Variants in XYLT1 observed in about 807,000 individuals in gnomAD.
The protein encoded by XYLT1 is beta-D-xylosyltransferase 1.
Under a neutral mutation model 91.3 loss-of-function variants are expected in XYLT1, and 36 were observed. The ratio of observed to expected loss-of-function variants is 0.39; its 90% CI spans 0.30 to 0.52. The LOEUF (loss-of-function observed/expected upper bound fraction) is 0.52. XYLT1 is among the 20% of genes least tolerant of loss of function. The pLI is 0.68. For missense variants in XYLT1, 1,242 were observed against 1,284.5 expected, an observed-to-expected ratio of 0.97 and a Z score of 0.51; for synonymous variants, 588 against 532.0, an observed-to-expected ratio of 1.11 and a Z score of -1.45.
intron 1 of XYLT1, among the ~76,000 whole-genome samples, chr16:17,432,424 C>T (rs1026819742): frequency 1.3e-5 from 2 of 152,128 alleles, no homozygotes; most frequent in African/African-American, 4.8e-5. Context: ...AAAAACATCA[C>T]GTGATAGCCA....
chr16:17,219,195 T>C (rs2032914907), intron 3 of XYLT1, among the ~76,000 whole-genome samples: 1 of 146,054 alleles, frequency 6.8e-6, no homozygotes, highest in African/African-American at 2.5e-5. Context: ...GGCACAAGAA[T>C]TGCTTGAACC....
At chr16:17,399,229 T>C (rs2035932745) in intron 1 of XYLT1, among the ~76,000 whole-genome samples, 1 of 152,104 alleles carries the variant, frequency 6.6e-6, no homozygotes, top group African/African-American at 2.4e-5. Context: ...TCAAAGTCAC[T>C]GGGAAGCATG....
In XYLT1 at chr16:17,278,554, A is replaced by T. The variant is rs115464596; in HGVS notation, c.403-19056T>A. On this transcript the variant is annotated intron_variant, in intron 2 of 11. Transcript: ENST00000261381. ...CATTGCCATCATGCAACTTTCTGCT[A>T]ACTTTCCCAGCTTCAAGGGAAAAGT... is the stretch of plus-strand genomic sequence containing the variant. 9.7e-3 allele frequency among the ~76,000 whole-genome samples: 1,474 copies of T among 152,282 alleles called. 22 individuals carry two copies. Among genetic ancestry groups the T allele is most frequent in the African/African-American group, 0.033 (1,378 of 41,548 alleles).
Position 17,208,722 on chromosome 16 carries a change from A to G in XYLT1, c.914-8068T>C, listed in dbSNP as rs1239464295. Among the ~76,000 whole-genome samples the G allele has an allele frequency of 5.3e-5, 8 of 152,076 alleles. 1 individual carries two copies. The highest frequency in any genetic ancestry group is 5.2e-4 in the Admixed American group (8 of 15,268). On this transcript the variant is annotated intron_variant, in intron 3 of 11. Transcript: ENST00000261381. ...GCTCTACATGGATAACATATAATTTACTATTTTAGCCTTTTTTGGTTCGAG... is the reference window on the plus strand; with the variant it reads ...GCTCTACATGGATAACATATAATTTGCTATTTTAGCCTTTTTTGGTTCGAG...
chr16:17,425,898 G>A (rs114380402), intron 1 of XYLT1, among the ~76,000 whole-genome samples: 2 of 151,894 alleles, frequency 1.3e-5, no homozygotes, highest in Admixed American at 1.3e-4. Context: ...TTAATGTCCC[G>A]CCACCCTGTG....
At chr16:17,330,454 G>T (rs939520538) in intron 2 of XYLT1, among the ~76,000 whole-genome samples, 1 of 151,882 alleles carries the variant, frequency 6.6e-6, no homozygotes, top group Non-Finnish European at 1.5e-5. Context: ...GTGACTCCAG[G>T]GTCCCATAAG....
In XYLT1 at chr16:17,378,075, C is replaced by T. The variant is rs118034626; in HGVS notation, c.364-20025G>A. Among the ~76,000 whole-genome samples, 889 of 152,210 alleles carry T rather than the reference C, an allele frequency of 5.8e-3. 5 individuals are homozygous for T. Among genetic ancestry groups the T allele is most frequent in the Non-Finnish European group, 8.7e-3 (593 of 68,010 alleles). ...ACCTGTCTACAGTACTCAAATGTCACGGGGGTTTCCTCCACTAGGCATGGG... is the reference window on the plus strand; with the variant it reads ...ACCTGTCTACAGTACTCAAATGTCATGGGGGTTTCCTCCACTAGGCATGGG... On this transcript the variant is annotated intron_variant, in intron 1 of 11. Coordinates refer to ENST00000261381, the MANE Select transcript of XYLT1 (RefSeq NM_022166.4).
chr16:17,297,305 G>C (rs7202004), intron 2 of XYLT1, among the ~76,000 whole-genome samples: 13 of 152,086 alleles, frequency 8.5e-5, no homozygotes, highest in African/African-American at 2.7e-4. Context: ...AGTGGCTCAC[G>C]CCTATAATCC....
At chr16:17,252,094 G>A (rs542635478) in intron 3 of XYLT1, among the ~76,000 whole-genome samples, 1 of 151,686 alleles carries the variant, frequency 6.6e-6, no homozygotes, top group East Asian at 1.9e-4. Flanking sequence ...CTCCTCCATT[G>A]CGACGATTAG....
chr16:17,429,287 CACAA>C (rs368037025), intron 1 of XYLT1, among the ~76,000 whole-genome samples: 507 of 152,266 alleles, frequency 3.3e-3, no homozygotes, highest in Non-Finnish European at 6.0e-3. Flanking sequence ...CTTTCCTTGC[CACAA>C]ACAGAGTAAG....
intron 1 of XYLT1, among the ~76,000 whole-genome samples, chr16:17,466,510 A>G (rs1169937462): frequency 6.6e-6 from 1 of 152,228 alleles, no homozygotes; most frequent in Non-Finnish European, 1.5e-5. Context: ...TTCCTCTTCT[A>G]TTAAAACCAT....
chr16:17,259,870 T>C (rs564712245), intron 2 of XYLT1, among the ~76,000 whole-genome samples: 1 of 152,284 alleles, frequency 6.6e-6, no homozygotes, highest in South Asian at 2.1e-4. Context: ...GCTGTGATGG[T>C]TTACTTAAGG....
chr16:17,147,259 A>G (rs1453550455), intron 6 of XYLT1, among the ~76,000 whole-genome samples: 2 of 152,236 alleles, frequency 1.3e-5, no homozygotes, highest in African/African-American at 4.8e-5. Flanking sequence ...TAATTATACA[A>G]AAATGTCCAG....
At chr16:17,240,352 G>C (rs2033326820) in intron 3 of XYLT1, among the ~76,000 whole-genome samples, 1 of 152,200 alleles carries the variant, frequency 6.6e-6, no homozygotes, top group Non-Finnish European at 1.5e-5. Flanking sequence ...TTGCAATGGG[G>C]AAAGTCCTTG....
chr16:17,360,349 T>C (rs1165647817), intron 1 of XYLT1, among the ~76,000 whole-genome samples: 2 of 152,196 alleles, frequency 1.3e-5, no homozygotes, highest in East Asian at 1.9e-4. Context: ...AGGAAATCTC[T>C]GTCAACTGTG....
intron 2 of XYLT1, among the ~76,000 whole-genome samples, chr16:17,278,063 G>A (rs915859278): frequency 6.6e-6 from 1 of 152,140 alleles, no homozygotes; most frequent in Non-Finnish European, 1.5e-5. Flanking sequence ...GCCTCCCTGC[G>A]AACATGAGGC....
At chr16:17,298,643 T>G (rs192636261) in intron 2 of XYLT1, among the ~76,000 whole-genome samples, 90 of 152,300 alleles carry the variant, frequency 5.9e-4, no homozygotes, top group Admixed American at 4.1e-3. Flanking sequence ...CTCTCTGGCC[T>G]CAGTCTTCAC....
chr16:17,419,107 C>T (rs924355369), intron 1 of XYLT1, among the ~76,000 whole-genome samples: 1 of 151,932 alleles, frequency 6.6e-6, no homozygotes, highest in Non-Finnish European at 1.5e-5. Context: ...AAAGTTAATC[C>T]ACGGACCTCT....
chr16:17,464,847 T>C (rs1314666124), intron 1 of XYLT1, among the ~76,000 whole-genome samples: 1 of 151,784 alleles, frequency 6.6e-6, no homozygotes, highest in Admixed American at 6.6e-5. Flanking sequence ...GTGAGAAAAG[T>C]AGAATAAAGA....
Sources: gnomAD v4.1 joint callset for allele counts (sites outside exome capture counted in the v4.1 genomes callset) on GRCh38, gnomAD v4.1.1 for gene constraint, MANE v1.5 for transcripts, NCBI Gene and HGNC (gene_info 2026-07-23, HGNC 2026-07-21) for gene names.